Variants in ZNF821 observed in about 807,000 individuals in gnomAD.
ZNF821 encodes the protein zinc finger protein 821.
ZNF821 carries 16 observed loss-of-function variants against 44.3 expected under a neutral mutation model. That is an observed-to-expected ratio of 0.36 (90% CI 0.24 to 0.55). The LOEUF (loss-of-function observed/expected upper bound fraction) is 0.55. Ranked by LOEUF, ZNF821 falls within the 20% of genes least tolerant of loss-of-function variation. The probability of loss-of-function intolerance (pLI) is 0.86; values close to 1 mark genes in which losing one functional copy is unlikely to be tolerated. For synonymous variants in ZNF821, 204 were observed against 197.6 expected (o/e 1.03, Z -0.27); for missense variants, 436 against 547.6 (o/e 0.80, Z 2.03).
chr16:71,860,459 A>G lies in ZNF821; in HGVS notation c.798T>C (p.Pro266=). Reference sequence around the variant, plus strand: ...CCAGCCGCTGCAGCCGTACTTCCAAAGGCTCATTCTGTCGACGTAGAGCCC... The same window carrying G: ...CCAGCCGCTGCAGCCGTACTTCCAAGGGCTCATTCTGTCGACGTAGAGCCC... ...RKWALRRQNE[P]LEVRLQRLER... The change falls in exon 8 of 8, where the codon CCT becomes CCC. Residue 266 remains proline, a synonymous_variant. Coordinates refer to ENST00000425432, the MANE Select transcript of ZNF821 (RefSeq NM_001201552.2). The surrounding 1 kb of genome is among the most constrained non-coding windows in gnomAD (Gnocchi z 7.3). The G allele has an allele frequency of 6.2e-7, 1 of 1,614,104 alleles. No homozygotes were observed. The highest frequency in any genetic ancestry group is 8.5e-7 in the Non-Finnish European group (1 of 1,180,034).
upstream of ZNF821, among the ~76,000 whole-genome samples, chr16:71,885,832 A>G (rs945127513): frequency 3.3e-5 from 5 of 152,244 alleles, no homozygotes; most frequent in African/African-American, 1.2e-4. Context: ...TCATTTAAAA[A>G]CTTAGTTTCC....
At chr16:71,874,022 G>A (rs984244604) in intron 3 of ZNF821, among the ~76,000 whole-genome samples, 4 of 148,476 alleles carry the variant, frequency 2.7e-5, no homozygotes, top group Non-Finnish European at 3.0e-5. Context: ...GCAATGGCGC[G>A]ACCTTGGCTC....
At chr16:71,883,076 G>A (rs1254451013) in intron 2 of ZNF821, 135 bp downstream of exon 2, 1 of 456,186 alleles carries the variant, frequency 2.2e-6, no homozygotes, top group Non-Finnish European at 4.4e-6. Flanking sequence ...CCTCGGGAAG[G>A]TGCAACGTCT....
At chr16:71,881,653 G>C (rs986420197) in intron 2 of ZNF821, 1 of 152,204 alleles carries the variant, frequency 6.6e-6, no homozygotes, top group Non-Finnish European at 1.5e-5. Context: ...CAAGTGGAAA[G>C]GTAATGAAAT....
At chr16:71,890,243 GT>G (rs1488665619) in intron 1 of ZNF821, among the ~76,000 whole-genome samples, 2 of 150,296 alleles carry the variant, frequency 1.3e-5, no homozygotes, top group African/African-American at 5.0e-5. Context: ...TTTTTTTATT[GT>G]TTTTCTTCTT....
intron 4 of ZNF821, 138 bp from the exon 5 acceptor site, chr16:71,865,186 A>G: frequency 8.6e-7 from 1 of 1,162,216 alleles, no homozygotes; most frequent in South Asian, 1.5e-5. Flanking sequence ...TTTGTTGGGT[A>G]CATATTATGT....
chr16:71,890,764 C>CATTT (rs2036880798), intron 1 of ZNF821: 1 of 65,452 alleles, frequency 1.5e-5, no homozygotes, highest in Admixed American at 2.1e-4. Flanking sequence ...CCCCTTCCTG[C>CATTT]TTTTTTTTTT....
chr16:71,893,546 G>A (rs1429065081), intron 1 of ZNF821, among the ~76,000 whole-genome samples: 1 of 150,020 alleles, frequency 6.7e-6, no homozygotes, highest in Non-Finnish European at 1.5e-5. Context: ...TGCAACCTCC[G>A]CCTCCCAGGT....
intron 4 of ZNF821, among the ~76,000 whole-genome samples, chr16:71,867,688 A>C (rs910996698): frequency 3.4e-5 from 5 of 148,694 alleles, no homozygotes; most frequent in East Asian, 2.0e-4. Context: ...CTCTGTCACA[A>C]AAAAAAAAAA....
At chr16:71,874,226 T>C (rs2035560047) in intron 3 of ZNF821, among the ~76,000 whole-genome samples, 1 of 151,830 alleles carries the variant, frequency 6.6e-6, no homozygotes, top group Admixed American at 6.6e-5. Flanking sequence ...CCTCCCAAAG[T>C]GCTGGGATTA....
chr16:71,878,566 A>G (rs1329553818), intron 3 of ZNF821, among the ~76,000 whole-genome samples: 4 of 152,128 alleles, frequency 2.6e-5, no homozygotes, highest in Non-Finnish European at 5.9e-5. Flanking sequence ...GCTAGAAGTA[A>G]AGAGGATACA....
At chr16:71,895,075 C>T in exon 1 of ZNF821, 1 of 428,016 alleles carries the variant, frequency 2.3e-6, no homozygotes, top group South Asian at 2.8e-5. Flanking sequence ...ACGCAGGCTT[C>T]GAAACCCCCT....
intron 1 of ZNF821, chr16:71,894,417 T>A (rs2142506618): frequency 6.5e-6 from 1 of 154,716 alleles, no homozygotes; most frequent in East Asian, 1.9e-4. Context: ...CATGCGTAAT[T>A]TCCTCTTTAG....
exon 1 of ZNF821, chr16:71,895,232 A>G (rs1448283850): frequency 1.2e-5 from 2 of 168,090 alleles, no homozygotes; most frequent in Non-Finnish European, 2.6e-5. Flanking sequence ...GTGGGCGCAG[A>G]GTCCGAGAAT....
intron 1 of ZNF821, chr16:71,894,124 T>C (rs1194811092): frequency 6.6e-6 from 1 of 152,120 alleles, no homozygotes; most frequent in African/African-American, 2.4e-5. Context: ...TTTATAAAGA[T>C]ACAGTATTTC....
Position 71,860,496 on chromosome 16 carries a change from C to A in ZNF821, c.761G>T (p.Ser254Ile), listed in dbSNP as rs1210947147. The change falls in exon 8 of 8, where the codon AGT becomes ATT. Residue 254 changes from serine (S) to isoleucine (I), a missense_variant. Physicochemically the swap from Ser to Ile is moderately radical, Grantham distance 142 (BLOSUM62 -2). Around this residue, in one of 5 missense-constraint regions of ZNF821, gnomAD observed 68 missense variants for 57.0 expected, o/e 1.19. Coordinates refer to ENST00000425432, the MANE Select transcript of ZNF821 (RefSeq NM_001201552.2). The surrounding 1 kb of genome is among the most constrained non-coding windows in gnomAD (Gnocchi z 7.3). ...YRKLLEAQTPSVRKWALRRQN... is the reference protein window; with the variant it reads ...YRKLLEAQTPIVRKWALRRQN... ...TCGACGTAGAGCCCACTTGCGTACACTGGGAGTCTGGGCTTCCAGCAGTTT... is the reference window on the plus strand; with the variant it reads ...TCGACGTAGAGCCCACTTGCGTACAATGGGAGTCTGGGCTTCCAGCAGTTT... 1.9e-6 allele frequency: 3 copies of A among 1,614,186 alleles called. No individual in the cohort carries two copies. The highest frequency in any genetic ancestry group is 1.7e-5 in the Admixed American group (1 of 60,028).
intron 7 of ZNF821, 105 bp downstream of exon 7, chr16:71,861,671 G>C: frequency 7.3e-7 from 1 of 1,378,654 alleles, no homozygotes; most frequent in Non-Finnish European, 1.0e-6. Flanking sequence ...GCATGCATCA[G>C]CTGCCTTTGC....
rs143074438 is a variant in ZNF821, at chr16:71,867,089, T to A, written c.166+823A>T. On this transcript the variant is annotated intron_variant, in intron 4 of 7. Transcript: ENST00000425432. ...GCTACTGTCGTAACCACAGGGATCT[T>A]CTTAGGGAATTGGTATGGGAAGACC... Among the ~76,000 whole-genome samples, 11 of 152,310 alleles carry A rather than the reference T, an allele frequency of 7.2e-5. No individual in the cohort carries two copies. In the East Asian group the frequency reaches 1.7e-3, roughly 24 times the overall value.
upstream of ZNF821, among the ~76,000 whole-genome samples, chr16:71,888,801 T>A (rs1168403385): frequency 1.3e-5 from 2 of 152,206 alleles, no homozygotes; most frequent in East Asian, 3.8e-4. Context: ...TGATGATAAA[T>A]GTAAAAACCT....
Sources: gnomAD v4.1 joint callset for allele counts (sites outside exome capture counted in the v4.1 genomes callset) on GRCh38, gnomAD v4.1.1 for gene constraint, gnomAD v4.1.1 regional missense constraint, Gnocchi (gnomAD v3.1) non-coding constraint, MANE v1.5 for transcripts, NCBI Gene and HGNC (gene_info 2026-07-23, HGNC 2026-07-21) for gene names.